The following KIF18A variants were observed in gnomAD, a reference collection of about 807,000 sequenced individuals.
The protein encoded by KIF18A is kinesin family member 18A, also known as kinesin-like protein KIF18A.
Under a neutral mutation model 103.3 loss-of-function variants are expected in KIF18A, and 67 were observed. The observed-to-expected ratio is 0.65, with a 90% CI of 0.53 to 0.79. KIF18A has a LOEUF of 0.79. Ranked by LOEUF, KIF18A falls within the 30% of genes least tolerant of loss-of-function variation. KIF18A has a pLI of 0.00. For missense variants in KIF18A, 1,032 were observed against 1,062.5 expected (o/e 0.97, Z 0.40); for synonymous variants, 367 against 355.5 (o/e 1.03, Z -0.36).
At position 28,073,843 on chromosome 11, in the gene KIF18A, T is replaced by G. The variant is rs534101069; in HGVS notation, c.1425+3164A>C. ...GTGTCAAGCACAAGGGTTTTACATGTAAACAAGTGTTCAATAAGAGTTTCG... is the reference window on the plus strand; with the variant it reads ...GTGTCAAGCACAAGGGTTTTACATGGAAACAAGTGTTCAATAAGAGTTTCG... On this transcript the variant is annotated intron_variant, in intron 10 of 16. Coordinates refer to ENST00000263181, the MANE Select transcript of KIF18A (RefSeq NM_031217.4). 1.4e-3 allele frequency among the ~76,000 whole-genome samples: 212 copies of G among 152,308 alleles called. 1 individual carries two copies. The highest frequency in any genetic ancestry group is 4.9e-3 in the African/African-American group (204 of 41,578).
rs374940887 is a variant in KIF18A, at chr11:28,082,922, G to C, written c.1196C>G (p.Ala399Gly). 2.5e-6 allele frequency: 4 copies of C among 1,604,780 alleles called. No individual in the cohort carries two copies. Among genetic ancestry groups the C allele is most frequent in the Non-Finnish European group, 3.4e-6 (4 of 1,174,756 alleles). The change falls in exon 9 of 17, where the codon GCC becomes GGC. Residue 399 changes from alanine to glycine, a missense_variant. Coordinates refer to ENST00000263181, the MANE Select transcript of KIF18A (RefSeq NM_031217.4). ...TGCTTGGTCATTTTCATTAGTGAAGGCTTTCTGTTCTTCATAGGCTTTTAG... is the reference window on the plus strand; with the variant it reads ...TGCTTGGTCATTTTCATTAGTGAAGCCTTTCTGTTCTTCATAGGCTTTTAG... ...EKLKAYEEQKAFTNENDQAKL... is the reference protein window; with the variant it reads ...EKLKAYEEQKGFTNENDQAKL...
In KIF18A at chr11:28,097,765, A is replaced by C; in HGVS notation, c.183T>G (p.Asn61Lys). 6.2e-7 allele frequency: 1 copy of C among 1,612,454 alleles called. No homozygotes were observed. The highest frequency in any genetic ancestry group is 8.5e-7 in the Non-Finnish European group (1 of 1,178,898). Residue 61 changes from asparagine to lysine, a missense_variant, in exon 2 of 17, where the codon AAT (asparagine) becomes AAG (lysine). Physicochemically the swap from Asn to Lys is moderately conservative, Grantham distance 94 (BLOSUM62 0). Transcript: ENST00000263181. Reference protein sequence around the residue: ...VSFFHGKKTTNQNVIKKQNKD... With the variant: ...VSFFHGKKTTKQNVIKKQNKD... Reference sequence around the variant, plus strand: ...TATTTTGTTTCTTTATAACATTTTGATTTGTAGTTTTCTTTCCATGGAAAA... The same window carrying C: ...TATTTTGTTTCTTTATAACATTTTGCTTTGTAGTTTTCTTTCCATGGAAAA...
chr11:28,032,271 T>C (rs1299283578), intron 15 of KIF18A, among the ~76,000 whole-genome samples: 1 of 151,820 alleles, frequency 6.6e-6, no homozygotes, highest in African/African-American at 2.4e-5. Context: ...AGAATCAATA[T>C]TGTTAAAATG....
At chr11:28,069,652 T>C (rs946301580) in intron 10 of KIF18A, among the ~76,000 whole-genome samples, 1 of 152,100 alleles carries the variant, frequency 6.6e-6, no homozygotes, top group Non-Finnish European at 1.5e-5. Context: ...TGAGAGTTTA[T>C]GGCTTTAAGA....
In KIF18A at chr11:28,021,128, T is replaced by G. The variant is rs1038635499; in HGVS notation, c.*72A>C. 32 of 1,314,160 alleles carry G rather than the reference T, an allele frequency of 2.4e-5. No individual in the cohort carries two copies. Among genetic ancestry groups the G allele is most frequent in the Non-Finnish European group, 3.0e-5 (31 of 1,017,106 alleles). 81.4% of individuals were successfully genotyped at this position (1,314,160 alleles called of 1,614,324 possible). On this transcript the variant is annotated 3_prime_UTR_variant, in exon 17 of 17. Coordinates refer to ENST00000263181, the MANE Select transcript of KIF18A (RefSeq NM_031217.4). ...TCTTCTTTCAAAGATTTTAAATATATTTTTGAAAGGGTATTGATAAACTTT... is the reference window on the plus strand; with the variant it reads ...TCTTCTTTCAAAGATTTTAAATATAGTTTTGAAAGGGTATTGATAAACTTT...
Position 28,058,522 on chromosome 11 carries a change from G to GT in KIF18A, c.1948+403dup, listed in dbSNP as rs35340501. On this transcript the variant is annotated intron_variant, in intron 13 of 16. Transcript: ENST00000263181. ...AAAAAAAAAAAAAAAAAAGCCAGGA[G>GT]TGGTGGTGCATGCCTGTAATTCCTA... is the stretch of plus-strand genomic sequence containing the variant. Among the ~76,000 whole-genome samples the GT allele has an allele frequency of 3.1e-4, 45 of 143,944 alleles. No homozygotes were observed. In the East Asian group the frequency reaches 8.8e-3, roughly 28 times the overall value. 94.4% of individuals were successfully genotyped at this position (143,944 alleles called of 152,430 possible). A position where few individuals can be genotyped will look rare whatever the true frequency, so the allele number is the denominator to read the frequency against.
chr11:28,086,877 T>A (rs1851235295), intron 6 of KIF18A, among the ~76,000 whole-genome samples: 1 of 152,186 alleles, frequency 6.6e-6, no homozygotes, highest in South Asian at 2.1e-4. Context: ...AATCCGTCTC[T>A]GTGTCATGCT....
intron 1 of KIF18A, 89 bp downstream of exon 1, chr11:28,107,972 AGCC>A (rs1480409813): frequency 6.6e-6 from 1 of 152,182 alleles, no homozygotes; most frequent in Non-Finnish European, 1.5e-5. Context: ...TTTGTCAAGA[AGCC>A]CACCTGGTCT....
Position 28,069,365 on chromosome 11 carries a change from T to C in KIF18A, c.1484A>G (p.Glu495Gly), listed in dbSNP as rs1317646449. 6.2e-7 allele frequency: 1 copy of C among 1,613,660 alleles called. No homozygotes were observed. The highest frequency in any genetic ancestry group is 1.7e-5 in the Admixed American group (1 of 59,966). The change falls in exon 11 of 17, where the codon GAG becomes GGG. Residue 495 changes from glutamate (E) to glycine (G), a missense_variant. Physicochemically the swap from Glu to Gly is moderately conservative, Grantham distance 98 (BLOSUM62 -2). Transcript: ENST00000263181. ...CTTCAATTCCTCCTCCCTCCTTTTC[T>C]CCAGGTAGGAGCGACGAGTTTTCAA... is the stretch of plus-strand genomic sequence containing the variant. ...AMLKTRRSYL[E>G]KRREEELKQF... is the part of the protein sequence containing the mutation.
intron 12 of KIF18A, 87 bp downstream of exon 12, chr11:28,062,308 A>C (rs1202473391): frequency 1.6e-6 from 2 of 1,236,104 alleles, no homozygotes; most frequent in Non-Finnish European, 2.2e-6. Flanking sequence ...TAACACATAA[A>C]ACTCAACTTT....
chr11:28,053,987 G>A (rs989466605), intron 13 of KIF18A, among the ~76,000 whole-genome samples: 1 of 151,106 alleles, frequency 6.6e-6, no homozygotes, highest in Non-Finnish European at 1.5e-5. Flanking sequence ...CTTGAAGGAG[G>A]AGAGTTATTT....
chr11:28,062,354 AT>A, intron 12 of KIF18A, 40 bp downstream of exon 12: 1 of 1,539,510 alleles, frequency 6.5e-7, no homozygotes, highest in Non-Finnish European at 8.8e-7. Context: ...TGCTTCAGAT[AT>A]AGTGTTAAAA....
chr11:28,073,288 T>C (rs907757339), intron 10 of KIF18A, among the ~76,000 whole-genome samples: 1 of 152,036 alleles, frequency 6.6e-6, no homozygotes, highest in Non-Finnish European at 1.5e-5. Flanking sequence ...GTCCAACAAA[T>C]GTGACCTGCT....
chr11:28,081,148 C>T (rs1001987898), intron 9 of KIF18A, among the ~76,000 whole-genome samples: 1 of 152,118 alleles, frequency 6.6e-6, no homozygotes. Flanking sequence ...TTCTCTAGAA[C>T]ATAAAAGTCT....
At chr11:28,063,552 C>T (rs1590688662) in intron 11 of KIF18A, among the ~76,000 whole-genome samples, 1 of 152,084 alleles carries the variant, frequency 6.6e-6, no homozygotes, top group African/African-American at 2.4e-5. Context: ...AATCTACCAC[C>T]TAAAGTTACT....
At chr11:28,024,800 T>C (rs556299790) in intron 15 of KIF18A, among the ~76,000 whole-genome samples, 14 of 151,936 alleles carry the variant, frequency 9.2e-5, no homozygotes, top group Non-Finnish European at 1.9e-4. Context: ...CCTTCCACGC[T>C]GATTCAAACA....
intron 1 of KIF18A, among the ~76,000 whole-genome samples, chr11:28,106,450 C>A (rs1303966440): frequency 6.7e-6 from 1 of 150,194 alleles, no homozygotes; most frequent in Non-Finnish European, 1.5e-5. Flanking sequence ...CTACTCCCAC[C>A]AACTTACAAC....
intron 3 of KIF18A, among the ~76,000 whole-genome samples, chr11:28,091,970 C>T (rs1438133816): frequency 2.6e-5 from 4 of 152,152 alleles, no homozygotes; most frequent in Admixed American, 6.5e-5. Context: ...CGCCTGCCAC[C>T]ACGCCTGGCT....
intron 15 of KIF18A, among the ~76,000 whole-genome samples, chr11:28,031,868 A>G (rs1850414673): frequency 6.6e-6 from 1 of 151,928 alleles, no homozygotes; most frequent in Non-Finnish European, 1.5e-5. Flanking sequence ...ATATTACTGG[A>G]AGTCCTAAGT....
Sources: gnomAD v4.1 joint callset for allele counts (sites outside exome capture counted in the v4.1 genomes callset) on GRCh38, gnomAD v4.1.1 for gene constraint, MANE v1.5 for transcripts, NCBI Gene and HGNC (gene_info 2026-07-23, HGNC 2026-07-21) for gene names.